TF: variants seen among roughly 807,000 people sequenced by gnomAD.
TF encodes the protein transferrin, also known as serotransferrin.
A neutral mutation model predicts 82.4 loss-of-function variants in TF; 55 were observed. The ratio of observed to expected loss-of-function variants is 0.67; its 90% CI spans 0.54 to 0.84. The LOEUF (loss-of-function observed/expected upper bound fraction) is 0.84, where lower values mean the gene tolerates loss of function less well. Among genes scored for constraint, TF ranks in the 40% least tolerant of loss-of-function variants. The pLI, the probability that TF is intolerant of heterozygous loss-of-function variation, is 0.00. For missense variants in TF, 737 were observed against 868.4 expected (o/e 0.85, Z 1.90); for synonymous variants, 332 against 332.6 (o/e 1.00, Z 0.02).
rs1041263408 is a variant in TF, at chr3:133,788,951, C to T, written c.*10331C>T. 6.6e-6 allele frequency: 1 copy of T among 152,210 alleles called. No individual in the cohort carries two copies. Among genetic ancestry groups the T allele is most frequent in the African/African-American group, 2.4e-5 (1 of 41,452 alleles). The allele number at this position is 152,210 out of a possible 1,614,324, so 9.4% of individuals were successfully genotyped here. On this transcript the variant is annotated 3_prime_UTR_variant, in exon 17 of 17. Coordinates refer to ENST00000402696, the MANE Select transcript of TF (RefSeq NM_001063.4). ...AACAGGAAGCATGGGATAATGTGGCCTTATCAAATTATAAGGATGCTAAAC... is the reference window on the plus strand; with the variant it reads ...AACAGGAAGCATGGGATAATGTGGCTTTATCAAATTATAAGGATGCTAAAC...
At chr3:133,706,431 T>A in the TF span, among the ~76,000 whole-genome samples, 1 of 152,214 alleles carries the variant, frequency 6.6e-6, no homozygotes. Context: ...CTGTCTCTAG[T>A]ACCTACTCCT....
chr3:133,685,526 G>A, the TF span, among the ~76,000 whole-genome samples: 1 of 152,106 alleles, frequency 6.6e-6, no homozygotes, highest in African/African-American at 2.4e-5. Context: ...AAATCAATGT[G>A]CAAAAATCAC....
At chr3:133,702,623 C>A in the TF span, among the ~76,000 whole-genome samples, 1 of 151,110 alleles carries the variant, frequency 6.6e-6, no homozygotes, top group Non-Finnish European at 1.5e-5. Flanking sequence ...CTCTGAGTGA[C>A]GAAGTTGTGA....
chr3:133,737,769 G>A, the TF span, among the ~76,000 whole-genome samples: 1 of 152,154 alleles, frequency 6.6e-6, no homozygotes, highest in Non-Finnish European at 1.5e-5. Flanking sequence ...CCAGGCAGAA[G>A]TCAAATCCTT....
chr3:133,720,825 A>G, the TF span, among the ~76,000 whole-genome samples: 1 of 152,026 alleles, frequency 6.6e-6, no homozygotes, highest in African/African-American at 2.4e-5. Context: ...TAATCTTGGT[A>G]GTTTTTAATG....
the TF span, among the ~76,000 whole-genome samples, chr3:133,709,114 G>T: frequency 6.6e-6 from 1 of 152,312 alleles, no homozygotes; most frequent in Middle Eastern, 3.4e-3. Context: ...TGCTGCATTT[G>T]CTGTAATAGC....
intron 11 of TF, 124 bp downstream of exon 11, chr3:133,765,031 A>G: frequency 1.1e-6 from 1 of 931,350 alleles, no homozygotes. Context: ...ATGCGAGAGA[A>G]TCATGGAAGG....
At chr3:133,766,481 C>T in intron 12 of TF, 48 bp downstream of exon 12, 1 of 1,612,694 alleles carries the variant, frequency 6.2e-7, no homozygotes, top group Non-Finnish European at 8.5e-7. Context: ...TGCCAGAAAG[C>T]AGGGTCCTGC....
chr3:133,715,734 A>G, the TF span, among the ~76,000 whole-genome samples: 1 of 152,096 alleles, frequency 6.6e-6, no homozygotes, highest in Non-Finnish European at 1.5e-5. Flanking sequence ...TGGTTTTATT[A>G]TTGTTTTTCA....
At position 133,778,570 on chromosome 3, in the gene TF, C is replaced by G; in HGVS notation, c.2063-16C>G. ...GGAAGATTTTGAAAATCCTACCTCT[C>G]TGCTCTGCTCCACAGCACTCCTGGA... On this transcript the variant is annotated splice_polypyrimidine_tract_variant and intron_variant, in intron 16 of 16. Transcript: ENST00000402696. 3 of 1,612,742 alleles carry G rather than the reference C, an allele frequency of 1.9e-6. No homozygotes were observed. Among genetic ancestry groups the G allele is most frequent in the Non-Finnish European group, 2.5e-6 (3 of 1,179,116 alleles).
At chr3:133,708,876 G>T in the TF span, among the ~76,000 whole-genome samples, 1 of 151,752 alleles carries the variant, frequency 6.6e-6, no homozygotes, top group African/African-American at 2.4e-5. Flanking sequence ...TGAGGGGTCA[G>T]TAAAGAAATG....
the TF span, among the ~76,000 whole-genome samples, chr3:133,707,983 T>G: frequency 1.3e-5 from 2 of 152,308 alleles, no homozygotes; most frequent in East Asian, 3.9e-4. Flanking sequence ...TTGTCATTAT[T>G]AGAAAATATT....
At chr3:133,665,827 C>T in the TF span, among the ~76,000 whole-genome samples, 31 of 149,792 alleles carry the variant, frequency 2.1e-4, 1 homozygote, top group African/African-American at 5.7e-4. Flanking sequence ...CGCCTGTACT[C>T]GGGAGGATGA....
At chr3:133,726,318 A>T in the TF span, among the ~76,000 whole-genome samples, 5 of 152,320 alleles carry the variant, frequency 3.3e-5, no homozygotes, top group Admixed American at 2.6e-4. Flanking sequence ...GCTATTGATT[A>T]TTGCCACAAT....
intron 9 of TF, chr3:133,762,065 G>A (rs996952128): frequency 1.1e-5 from 2 of 185,572 alleles, no homozygotes; most frequent in Non-Finnish European, 2.4e-5. Context: ...GAAATGGACA[G>A]AAGTGATTAT....
the TF span, among the ~76,000 whole-genome samples, chr3:133,717,464 C>G: frequency 2.0e-5 from 3 of 152,138 alleles, no homozygotes; most frequent in Non-Finnish European, 4.4e-5. Context: ...TGTTCTTCTC[C>G]CCTGCAGGGT....
In TF at chr3:133,777,256, C is replaced by T; in HGVS notation, c.2062+18C>T. On this transcript the variant is annotated intron_variant, in intron 16 of 16. Transcript: ENST00000402696. ...CACCTCATGTGAGTAGGAGGAACAG[C>T]ATGGGGAAGTGGCAACCAAACATGG... 6.2e-7 allele frequency: 1 copy of T among 1,608,490 alleles called. No homozygotes were observed. Among genetic ancestry groups the T allele is most frequent in the South Asian group, 1.1e-5 (1 of 90,988 alleles).
the TF span, among the ~76,000 whole-genome samples, chr3:133,682,273 A>T: frequency 6.6e-6 from 1 of 152,238 alleles, no homozygotes; most frequent in Non-Finnish European, 1.5e-5. Context: ...AAAAGCTGAA[A>T]ATTCTAAAAA....
At chr3:133,700,802 C>G in the TF span, 2 of 152,682 alleles carry the variant, frequency 1.3e-5, no homozygotes, top group African/African-American at 4.8e-5. Flanking sequence ...TTCTGTTTCC[C>G]TTGTCTGTTT....
Sources: gnomAD v4.1 joint callset for allele counts (sites outside exome capture counted in the v4.1 genomes callset) on GRCh38, gnomAD v4.1.1 for gene constraint, MANE v1.5 for transcripts, NCBI Gene and HGNC (gene_info 2026-07-23, HGNC 2026-07-21) for gene names.